Variants in TLK1 observed in about 807,000 individuals in gnomAD.
TLK1 encodes tousled like kinase 1.
Under a neutral mutation model 105.3 loss-of-function variants are expected in TLK1, and 24 were observed. The ratio of observed to expected loss-of-function variants is 0.23; its 90% CI spans 0.17 to 0.32. The LOEUF (loss-of-function observed/expected upper bound fraction) is 0.32, where lower values mean the gene tolerates loss of function less well. Among genes scored for constraint, TLK1 ranks in the 10% least tolerant of loss-of-function variants. The pLI, the probability that TLK1 is intolerant of heterozygous loss-of-function variation, is 1.00. For missense variants in TLK1, 558 were observed against 910.5 expected (o/e 0.61, Z 4.98); for synonymous variants, 321 against 310.4 (o/e 1.03, Z -0.36).
At chr2:171,211,062 C>T (rs1407621947) in intron 1 of TLK1, among the ~76,000 whole-genome samples, 1 of 152,196 alleles carries the variant, frequency 6.6e-6, no homozygotes, top group Non-Finnish European at 1.5e-5. Context: ...CCTTTGGGCA[C>T]ATGAAAACCT....
At chr2:171,010,972 G>A (rs1172422240) in intron 14 of TLK1, among the ~76,000 whole-genome samples, 2 of 152,128 alleles carry the variant, frequency 1.3e-5, no homozygotes, top group African/African-American at 2.4e-5. Flanking sequence ...TTTTTATAAT[G>A]AGGACATATA....
intron 2 of TLK1, among the ~76,000 whole-genome samples, chr2:171,095,840 A>G (rs1035441413): frequency 3.9e-5 from 6 of 152,186 alleles, no homozygotes; most frequent in Admixed American, 1.3e-4. Flanking sequence ...TAAACTCTCA[A>G]TAAACTAGGT....
intron 14 of TLK1, among the ~76,000 whole-genome samples, chr2:171,010,279 C>T (rs1175582768): frequency 2.0e-5 from 3 of 152,128 alleles, no homozygotes; most frequent in African/African-American, 7.2e-5. Context: ...TGTTTTTTCA[C>T]TTGAGGGACC....
At chr2:171,121,168 T>C (rs1488597731) in intron 1 of TLK1, among the ~76,000 whole-genome samples, 1 of 152,152 alleles carries the variant, frequency 6.6e-6, no homozygotes, top group East Asian at 1.9e-4. Context: ...ACAGTATGAA[T>C]GTACTTAATA....
At chr2:171,209,029 T>C (rs1047847188) in intron 1 of TLK1, among the ~76,000 whole-genome samples, 1 of 152,234 alleles carries the variant, frequency 6.6e-6, no homozygotes, top group Non-Finnish European at 1.5e-5. Flanking sequence ...GCTACACAAT[T>C]GTATATTTTC....
chr2:171,078,098 C>T (rs991960586), intron 3 of TLK1, among the ~76,000 whole-genome samples: 1 of 151,530 alleles, frequency 6.6e-6, no homozygotes, highest in Non-Finnish European at 1.5e-5. Flanking sequence ...TTCTACTGTG[C>T]CATCTACACT....
intron 12 of TLK1, among the ~76,000 whole-genome samples, chr2:171,023,993 CATGGG>C (rs1685657690): frequency 6.6e-6 from 1 of 152,184 alleles, no homozygotes; most frequent in Admixed American, 6.5e-5. Flanking sequence ...CACGATTCCA[CATGGG>C]CACAGGTAGA....
At position 170,991,088 on chromosome 2, in the gene TLK1, C is replaced by T. The variant is rs1333673739; in HGVS notation, c.*2692G>A. On this transcript the variant is annotated 3_prime_UTR_variant, in exon 21 of 21. Coordinates refer to ENST00000431350, the MANE Select transcript of TLK1 (RefSeq NM_012290.5). ...CCCAACTTACAAATTAGGGTGGTTT[C>T]TACACTTACTTCCTCTCAACATGCA... The T allele has an allele frequency of 2.0e-5, 3 of 152,032 alleles. No homozygotes were observed. The highest frequency in any genetic ancestry group is 4.4e-5 in the Non-Finnish European group (3 of 67,992). The allele number at this position is 152,032 out of a possible 1,614,324, so 9.4% of individuals were successfully genotyped here.
intron 3 of TLK1, among the ~76,000 whole-genome samples, chr2:171,075,269 G>A (rs1310434567): frequency 6.6e-6 from 1 of 152,070 alleles, no homozygotes; most frequent in Non-Finnish European, 1.5e-5. Flanking sequence ...AAATGCTCTA[G>A]ATGCAACAAC....
intron 1 of TLK1, among the ~76,000 whole-genome samples, chr2:171,134,006 A>G (rs10191270): frequency 1.3e-5 from 2 of 151,628 alleles, no homozygotes; most frequent in East Asian, 3.9e-4. Flanking sequence ...TGTTTTTTTT[A>G]ATCCATAAAA....
At chr2:171,185,954 T>C (rs927053493) in intron 1 of TLK1, among the ~76,000 whole-genome samples, 6 of 152,238 alleles carry the variant, frequency 3.9e-5, no homozygotes, top group African/African-American at 1.4e-4. Flanking sequence ...CATAATTCAC[T>C]AACTACTAAG....
chr2:171,123,605 C>T (rs1218464982), intron 1 of TLK1, among the ~76,000 whole-genome samples: 1 of 152,046 alleles, frequency 6.6e-6, no homozygotes, highest in South Asian at 2.1e-4. Context: ...CCCAAGAGTC[C>T]GAGACCAGCC....
At chr2:171,184,247 T>G (rs922701962) in intron 1 of TLK1, among the ~76,000 whole-genome samples, 5 of 152,238 alleles carry the variant, frequency 3.3e-5, no homozygotes, top group African/African-American at 1.2e-4. Context: ...GCTGACACCT[T>G]GATTTTAGCC....
intron 18 of TLK1, among the ~76,000 whole-genome samples, chr2:171,004,170 C>A (rs1275757133): frequency 6.6e-6 from 1 of 152,086 alleles, no homozygotes; most frequent in Non-Finnish European, 1.5e-5. Flanking sequence ...ACCACGTTGG[C>A]CAGGCTGGTC....
At chr2:171,182,503 G>T (rs902042769) in intron 1 of TLK1, among the ~76,000 whole-genome samples, 1 of 152,118 alleles carries the variant, frequency 6.6e-6, no homozygotes, top group African/African-American at 2.4e-5. Flanking sequence ...TCTAAACTGA[G>T]AGACATTCTA....
chr2:171,087,999 C>T (rs974821921), intron 2 of TLK1, among the ~76,000 whole-genome samples: 1 of 152,152 alleles, frequency 6.6e-6, no homozygotes, highest in Non-Finnish European at 1.5e-5. Flanking sequence ...TTCTATAAGT[C>T]CCTCAGAGAA....
At chr2:171,154,892 A>T (rs1392336223) in intron 1 of TLK1, among the ~76,000 whole-genome samples, 2 of 152,206 alleles carry the variant, frequency 1.3e-5, no homozygotes, top group Non-Finnish European at 2.9e-5. Context: ...ATTGACCCCA[A>T]GAAAGTTATG....
intron 3 of TLK1, among the ~76,000 whole-genome samples, chr2:171,071,011 C>G (rs1260531508): frequency 6.6e-6 from 1 of 152,150 alleles, no homozygotes; most frequent in African/African-American, 2.4e-5. Context: ...ATTTGCATGT[C>G]TCTGATAAAC....
At chr2:171,050,236 G>T in intron 8 of TLK1, 62 bp from the exon 9 acceptor site, 2 of 1,144,000 alleles carry the variant, frequency 1.7e-6, no homozygotes, top group Non-Finnish European at 1.2e-6. Flanking sequence ...CTTAGAAATA[G>T]TTTTAATGTT....
Sources: allele counts gnomAD v4.1 joint callset (sites outside exome capture counted in the v4.1 genomes callset), GRCh38; gene constraint gnomAD v4.1.1; transcripts MANE v1.5; gene names NCBI Gene and HGNC (gene_info 2026-07-23, HGNC 2026-07-21).